HDAC9: variants seen among roughly 807,000 people sequenced by gnomAD.
The protein encoded by HDAC9 is histone deacetylase 9.
Under a neutral mutation model 139.4 loss-of-function variants are expected in HDAC9, and 41 were observed. That is an observed-to-expected ratio of 0.29 (90% confidence interval 0.23 to 0.38). The LOEUF (loss-of-function observed/expected upper bound fraction) is 0.38. HDAC9 is among the 10% of genes least tolerant of loss of function. HDAC9 has a pLI of 1.00. For missense variants in HDAC9, 1,147 were observed against 1,297.0 expected (o/e 0.88, Z 1.78); for synonymous variants, 517 against 476.2 (o/e 1.09, Z -1.12).
intron 2 of HDAC9, among the ~76,000 whole-genome samples, chr7:18,501,312 A>T (rs1798291739): frequency 6.6e-6 from 1 of 152,064 alleles, no homozygotes; most frequent in Admixed American, 6.6e-5. Flanking sequence ...GAGAGGTGAG[A>T]TGGAAGGATG....
chr7:18,443,127 A>G (rs1159569927), intron 1 of HDAC9, among the ~76,000 whole-genome samples: 1 of 152,230 alleles, frequency 6.6e-6, no homozygotes, highest in African/African-American at 2.4e-5. Flanking sequence ...CTCAGTAATC[A>G]TAAACTAGCC....
At chr7:18,932,359 A>G (rs1396065984) in intron 22 of HDAC9, among the ~76,000 whole-genome samples, 1 of 152,180 alleles carries the variant, frequency 6.6e-6, no homozygotes, top group African/African-American at 2.4e-5. Flanking sequence ...AAATTTGGCA[A>G]TATGAGACAT....
At chr7:18,965,634 T>A (rs1169764995) in intron 24 of HDAC9, among the ~76,000 whole-genome samples, 1 of 152,226 alleles carries the variant, frequency 6.6e-6, no homozygotes, top group African/African-American at 2.4e-5. Context: ...TTAATTCCTC[T>A]GGGGAAATTC....
intron 2 of HDAC9, among the ~76,000 whole-genome samples, chr7:18,253,222 A>G (rs773320268): frequency 6.6e-6 from 1 of 152,204 alleles, no homozygotes; most frequent in East Asian, 1.9e-4. Flanking sequence ...ATATGCATGC[A>G]TGTGTCTTTA....
chr7:18,974,443 T>C (rs578118831), intron 24 of HDAC9, among the ~76,000 whole-genome samples: 6 of 152,228 alleles, frequency 3.9e-5, no homozygotes, highest in Admixed American at 3.9e-4. Context: ...AACTGGACCA[T>C]GCATTTCTTG....
intron 17 of HDAC9, among the ~76,000 whole-genome samples, chr7:18,825,426 G>A (rs1795345893): frequency 6.6e-6 from 1 of 152,134 alleles, no homozygotes; most frequent in African/African-American, 2.4e-5. Flanking sequence ...AAAGGAAGAT[G>A]CAGCCAATAG....
At chr7:18,860,277 C>A (rs773043695) in intron 21 of HDAC9, among the ~76,000 whole-genome samples, 180 of 151,846 alleles carry the variant, frequency 1.2e-3, no homozygotes, top group Non-Finnish European at 7.8e-4. Context: ...ATGTGCCCAA[C>A]TGAGAAAAAA....
intron 22 of HDAC9, among the ~76,000 whole-genome samples, chr7:18,932,240 C>G (rs923862544): frequency 6.6e-6 from 1 of 152,092 alleles, no homozygotes; most frequent in African/African-American, 2.4e-5. Flanking sequence ...TCTACTGAAA[C>G]ACGTGTTTTC....
At chr7:18,666,977 C>T (rs976604749) in intron 12 of HDAC9, 1 of 985,864 alleles carries the variant, frequency 1.0e-6, no homozygotes, top group African/African-American at 1.7e-5. Flanking sequence ...GTCTTGAACA[C>T]TGTTAAAGGT....
chr7:18,979,108 C>G (rs1278828317), intron 25 of HDAC9, among the ~76,000 whole-genome samples: 3 of 152,008 alleles, frequency 2.0e-5, no homozygotes, highest in Non-Finnish European at 4.4e-5. Flanking sequence ...TTCTCATGAA[C>G]GTGATGGTTT....
chr7:18,681,732 T>G (rs983585010), intron 12 of HDAC9, among the ~76,000 whole-genome samples: 1 of 152,034 alleles, frequency 6.6e-6, no homozygotes, highest in Non-Finnish European at 1.5e-5. Context: ...CCCATGGACT[T>G]AATCCTGCAC....
At position 18,153,522 on chromosome 7, in the gene HDAC9, T is replaced by C. The variant is rs558326879; in HGVS notation, c.-96-8707T>C. 1.6e-3 allele frequency among the ~76,000 whole-genome samples: 244 copies of C among 152,184 alleles called. 1 individual carries two copies. Among genetic ancestry groups the C allele is most frequent in the African/African-American group, 5.5e-3 (229 of 41,530 alleles). Reference sequence around the variant, plus strand: ...AAGACTTGGCCCTCTACCAGCCTGATTGGTTGTGGGAGGGGTCCAATTAGA... The same window carrying C: ...AAGACTTGGCCCTCTACCAGCCTGACTGGTTGTGGGAGGGGTCCAATTAGA... On this transcript the variant is annotated intron_variant, in intron 1 of 12. Transcript: ENST00000417496.
intron 9 of HDAC9, 54 bp downstream of exon 9, chr7:18,644,847 G>T: frequency 6.5e-7 from 1 of 1,539,730 alleles, no homozygotes; most frequent in South Asian, 1.3e-5. Flanking sequence ...TCTTTTCACA[G>T]GGGAACTCTC....
chr7:18,095,883 TTAATC>T (rs1354657810), intron 1 of HDAC9, among the ~76,000 whole-genome samples: 1 of 152,222 alleles, frequency 6.6e-6, no homozygotes, highest in African/African-American at 2.4e-5. Flanking sequence ...CTGTTTTTCT[TTAATC>T]TATTTCTATG....
At chr7:18,170,383 T>C (rs1212780621) in intron 2 of HDAC9, among the ~76,000 whole-genome samples, 1 of 152,146 alleles carries the variant, frequency 6.6e-6, no homozygotes, top group Non-Finnish European at 1.5e-5. Flanking sequence ...TTTTCTCCCA[T>C]TCTGTAGGTT....
intron 2 of HDAC9, among the ~76,000 whole-genome samples, chr7:18,164,236 A>G (rs1453749044): frequency 6.6e-6 from 1 of 152,226 alleles, no homozygotes; most frequent in Non-Finnish European, 1.5e-5. Context: ...ATTGCAAGTA[A>G]AAAACCATGA....
chr7:18,895,653 G>C (rs905452082), intron 22 of HDAC9, among the ~76,000 whole-genome samples: 3 of 152,012 alleles, frequency 2.0e-5, no homozygotes, highest in Non-Finnish European at 4.4e-5. Context: ...AGAAAGTTTT[G>C]ACTTGATACT....
chr7:18,593,819 C>A, intron 5 of HDAC9, 89 bp from the exon 6 acceptor site: 1 of 1,372,930 alleles, frequency 7.3e-7, no homozygotes, highest in Non-Finnish European at 1.0e-6. Flanking sequence ...ATAGCTGAGG[C>A]ACGTGTACAG....
At chr7:18,781,309 G>A (rs949345306) in intron 16 of HDAC9, among the ~76,000 whole-genome samples, 1 of 151,970 alleles carries the variant, frequency 6.6e-6, no homozygotes, top group Non-Finnish European at 1.5e-5. Context: ...TAATGTCCAG[G>A]GTTGGCTTTG....
Sources: allele counts gnomAD v4.1 joint callset (sites outside exome capture counted in the v4.1 genomes callset), GRCh38; gene constraint gnomAD v4.1.1; transcripts MANE v1.5; gene names NCBI Gene and HGNC (gene_info 2026-07-23, HGNC 2026-07-21).